RPS6KA2: variants seen among roughly 807,000 people sequenced by gnomAD.
RPS6KA2 encodes ribosomal protein S6 kinase A2, also known as ribosomal protein S6 kinase alpha-2.
A neutral mutation model predicts 91.8 loss-of-function variants in RPS6KA2; 42 were observed. That is an observed-to-expected ratio of 0.46 (90% CI 0.36 to 0.59). RPS6KA2 has a LOEUF of 0.59. Ranked by LOEUF, RPS6KA2 falls within the 20% of genes least tolerant of loss-of-function variation. The pLI is 0.00. For synonymous variants in RPS6KA2, 414 were observed against 393.6 expected, an observed-to-expected ratio of 1.05 and a Z score of -0.61; for missense variants, 798 against 978.5, an observed-to-expected ratio of 0.82 and a Z score of 2.46.
chr6:166,789,945 A>C (rs1278225486), intron 2 of RPS6KA2, among the ~76,000 whole-genome samples: 1 of 152,260 alleles, frequency 6.6e-6, no homozygotes, highest in African/African-American at 2.4e-5. Flanking sequence ...AACTCTAAAA[A>C]GCAGAGCGCC....
intron 1 of RPS6KA2, among the ~76,000 whole-genome samples, chr6:166,601,295 C>T (rs925616185): frequency 6.6e-6 from 1 of 152,190 alleles, no homozygotes; most frequent in African/African-American, 2.4e-5. Context: ...ATACTGACAG[C>T]TTAAATCGAC....
chr6:166,615,073 C>T (rs886144641), intron 1 of RPS6KA2, among the ~76,000 whole-genome samples: 1 of 152,120 alleles, frequency 6.6e-6, no homozygotes, highest in Non-Finnish European at 1.5e-5. Context: ...GGGGCTCAGC[C>T]GGATGAAGCC....
chr6:166,837,935 G>A (rs190190779), intron 2 of RPS6KA2, among the ~76,000 whole-genome samples: 1 of 152,360 alleles, frequency 6.6e-6, no homozygotes, highest in Admixed American at 6.5e-5. Context: ...ACATGGAAAT[G>A]GAAATTAAGA....
chr6:166,648,209 T>TGC lies in RPS6KA2; in HGVS notation c.124-109427_124-109426dup, dbSNP rs1787725969. 8.1e-6 allele frequency among the ~76,000 whole-genome samples: 1 copy of TGC among 123,624 alleles called. No homozygotes were observed. Among genetic ancestry groups the TGC allele is most frequent in the Non-Finnish European group, 1.7e-5 (1 of 57,682 alleles). The allele number at this position is 123,624 out of a possible 152,430, so 81.1% of individuals were successfully genotyped here. On this transcript the variant is annotated intron_variant, in intron 2 of 21. Transcript: ENST00000503859. This position sits in a 1 kb window ranked among gnomAD's most constrained non-coding sequence, Gnocchi z 4.8. Reference sequence around the variant, plus strand: ...GCACACATGCTCATACACACACTCATGCACACACACGCACATGCGCACACA... The same window carrying TGC: ...GCACACATGCTCATACACACACTCATGCGCACACACACGCACATGCGCACACA...
At chr6:166,846,654 C>G (rs1300271788) in intron 2 of RPS6KA2, among the ~76,000 whole-genome samples, 2 of 152,176 alleles carry the variant, frequency 1.3e-5, no homozygotes, top group Non-Finnish European at 2.9e-5. Flanking sequence ...TGACAATATC[C>G]AGCATTGCTT....
chr6:166,800,170 T>G (rs2128617575), intron 2 of RPS6KA2, among the ~76,000 whole-genome samples: 1 of 152,344 alleles, frequency 6.6e-6, no homozygotes, highest in South Asian at 2.1e-4. Flanking sequence ...TTTAAGCCAG[T>G]GACTCATTGA....
intron 3 of RPS6KA2, among the ~76,000 whole-genome samples, chr6:166,527,240 C>A (rs1783086006): frequency 6.6e-6 from 1 of 152,202 alleles, no homozygotes; most frequent in African/African-American, 2.4e-5. Context: ...GCCTCCCTTT[C>A]CTTCAGTGGC....
chr6:166,714,753 C>T (rs945384062), intron 2 of RPS6KA2, among the ~76,000 whole-genome samples: 2 of 152,232 alleles, frequency 1.3e-5, no homozygotes, highest in African/African-American at 2.4e-5. Flanking sequence ...ACCTCCAACT[C>T]GGACTTCCAG....
chr6:166,694,044 T>G (rs192984315), intron 2 of RPS6KA2, among the ~76,000 whole-genome samples: 7 of 152,322 alleles, frequency 4.6e-5, no homozygotes, highest in Admixed American at 1.3e-4. Context: ...TTGCAGCTCA[T>G]CAGGAATTTA....
At chr6:166,761,970 T>C (rs1173051314) in intron 2 of RPS6KA2, among the ~76,000 whole-genome samples, 4 of 152,188 alleles carry the variant, frequency 2.6e-5, no homozygotes, top group Non-Finnish European at 5.9e-5. Flanking sequence ...CCCAGCCCCC[T>C]GGACCTCCCA....
chr6:166,731,704 T>C (rs1229497283), intron 2 of RPS6KA2, among the ~76,000 whole-genome samples: 1 of 147,668 alleles, frequency 6.8e-6, no homozygotes, highest in African/African-American at 2.7e-5. Flanking sequence ...CAACCTCTGA[T>C]GAGGTTAGCC....
At chr6:166,628,309 CGTGTTGAGTTT>C (rs1786971635), upstream of RPS6KA2, among the ~76,000 whole-genome samples, 2 of 152,110 alleles carry the variant, frequency 1.3e-5, no homozygotes, top group South Asian at 4.1e-4. Flanking sequence ...CTCTTGTGCA[CGTGTTGAGTTT>C]GTATTTAAAA....
chr6:166,835,322 T>A (rs1780290324), intron 2 of RPS6KA2, among the ~76,000 whole-genome samples: 1 of 152,232 alleles, frequency 6.6e-6, no homozygotes, highest in Non-Finnish European at 1.5e-5. Context: ...TTTGCCAAAT[T>A]CTGTGGAGAT....
At chr6:166,588,668 G>A (rs987051504) in intron 1 of RPS6KA2, among the ~76,000 whole-genome samples, 8 of 152,202 alleles carry the variant, frequency 5.3e-5, no homozygotes, top group South Asian at 4.1e-4. Flanking sequence ...GAACTAGATC[G>A]TCTGATCTCA....
rs960499034 is a variant in RPS6KA2 at position 166,825,846 on chromosome 6, G to A, written c.123+32354C>T. On this transcript the variant is annotated intron_variant, in intron 2 of 21. Transcript: ENST00000503859. This position sits in a 1 kb window ranked among gnomAD's most constrained non-coding sequence, Gnocchi z 4.1. ...GGGTTAGGATTTCAACACGAATTCTGGGAGAGACACAAGCATTCAGACCAC... is the reference window on the plus strand; with the variant it reads ...GGGTTAGGATTTCAACACGAATTCTAGGAGAGACACAAGCATTCAGACCAC... 1.3e-5 allele frequency among the ~76,000 whole-genome samples: 2 copies of A among 152,164 alleles called. No individual in the cohort carries two copies. The highest frequency in any genetic ancestry group is 2.9e-5 in the Non-Finnish European group (2 of 68,032).
At chr6:166,833,881 T>C (rs537805957) in intron 2 of RPS6KA2, among the ~76,000 whole-genome samples, 20 of 151,726 alleles carry the variant, frequency 1.3e-4, no homozygotes, top group South Asian at 1.0e-3. Flanking sequence ...AAATTCCTTT[T>C]CTTCTTTCTT....
In RPS6KA2 at chr6:166,662,185, A is replaced by G. The variant is rs1318226338; in HGVS notation, c.124-123401T>C. Among the ~76,000 whole-genome samples, 2 of 152,226 alleles carry G rather than the reference A, an allele frequency of 1.3e-5. No individual in the cohort carries two copies. Among genetic ancestry groups the G allele is most frequent in the Non-Finnish European group, 2.9e-5 (2 of 68,032 alleles). ...AAAATGTTATCAAATTATTCTTTTTAATCTTTGAAGATTATCGTAGGTGTT... is the reference window on the plus strand; with the variant it reads ...AAAATGTTATCAAATTATTCTTTTTGATCTTTGAAGATTATCGTAGGTGTT... On this transcript the variant is annotated intron_variant, in intron 2 of 21. Coordinates refer to the RPS6KA2 transcript ENST00000503859. This position sits in a 1 kb window ranked among gnomAD's most constrained non-coding sequence, Gnocchi z 4.3.
chr6:166,456,301 G>C (rs1780103640), intron 12 of RPS6KA2, among the ~76,000 whole-genome samples: 1 of 152,230 alleles, frequency 6.6e-6, no homozygotes, highest in Non-Finnish European at 1.5e-5. Context: ...GAAATGACAG[G>C]TGGCCTAAAT....
At chr6:166,789,185 T>TA (rs981048830) in intron 2 of RPS6KA2, among the ~76,000 whole-genome samples, 15 of 152,148 alleles carry the variant, frequency 9.9e-5, no homozygotes, top group African/African-American at 1.4e-4. Context: ...CCCACGGCCT[T>TA]AAAAAACAGC....
Sources: allele counts gnomAD v4.1 joint callset (sites outside exome capture counted in the v4.1 genomes callset), GRCh38; gene constraint gnomAD v4.1.1; non-coding constraint Gnocchi (gnomAD v3.1); transcripts MANE v1.5; gene names NCBI Gene and HGNC (gene_info 2026-07-23, HGNC 2026-07-21).